Variants in FHIT observed in about 807,000 individuals in gnomAD.
FHIT encodes the protein bis(5'-adenosyl)-triphosphatase.
FHIT carries 19 observed loss-of-function variants against 17.9 expected under a neutral mutation model. The observed-to-expected ratio is 1.06, with a 90% CI of 0.74 to 1.56. The LOEUF (loss-of-function observed/expected upper bound fraction) is 1.56, where lower values mean the gene tolerates loss of function less well. Among genes scored for constraint, FHIT ranks in the 40% most tolerant of loss-of-function variants. The pLI is 0.00. For synonymous variants in FHIT, 81 were observed against 69.7 expected, an observed-to-expected ratio of 1.16 and a Z score of -0.81; for missense variants, 248 against 189.2, an observed-to-expected ratio of 1.31 and a Z score of -1.82.
chr3:60,483,417 C>A (rs192684507), intron 5 of FHIT, among the ~76,000 whole-genome samples: 1 of 152,088 alleles, frequency 6.6e-6, no homozygotes, highest in African/African-American at 2.4e-5. Flanking sequence ...AGCATCAATG[C>A]GAAAATCCTC....
At chr3:60,351,229 T>G (rs61667611) in intron 5 of FHIT, among the ~76,000 whole-genome samples, 1 of 152,176 alleles carries the variant, frequency 6.6e-6, no homozygotes, top group Admixed American at 6.5e-5. Context: ...CCCTTAATGT[T>G]AATTAACTGT....
chr3:61,085,870 T>C, intron 2 of FHIT, among the ~76,000 whole-genome samples: 1 of 152,170 alleles, frequency 6.6e-6, no homozygotes, highest in African/African-American at 2.4e-5. Flanking sequence ...AAACAATTTG[T>C]TCATAGTTTA....
At chr3:60,339,896 T>A (rs1302461388) in intron 5 of FHIT, among the ~76,000 whole-genome samples, 2 of 152,250 alleles carry the variant, frequency 1.3e-5, no homozygotes, top group South Asian at 2.1e-4. Flanking sequence ...GATTTTTTTT[T>A]AAAGGCTTAG....
intron 4 of FHIT, among the ~76,000 whole-genome samples, chr3:60,561,578 C>G (rs1369068533): frequency 5.3e-5 from 8 of 152,144 alleles, no homozygotes; most frequent in African/African-American, 1.9e-4. Context: ...CAATTCTTCT[C>G]ACAGAAATGA....
chr3:60,361,548 C>A (rs1306940800), intron 5 of FHIT, among the ~76,000 whole-genome samples: 1 of 152,112 alleles, frequency 6.6e-6, no homozygotes, highest in Middle Eastern at 3.2e-3. Flanking sequence ...AGGATGGATT[C>A]TTCATAGAAG....
chr3:61,045,006 C>T (rs2886256), intron 2 of FHIT, among the ~76,000 whole-genome samples: 87,545 of 151,904 alleles, frequency 0.58, 27,830 homozygotes, highest in East Asian at 0.85. Context: ...AAGGAACAAC[C>T]AGTACCAGCC....
chr3:60,516,601 T>C (rs1350198157), intron 5 of FHIT, among the ~76,000 whole-genome samples: 3 of 152,212 alleles, frequency 2.0e-5, no homozygotes, highest in African/African-American at 7.2e-5. Context: ...GCTCATATTA[T>C]CTCATTCTCT....
chr3:60,523,820 A>G (rs2035468599), intron 5 of FHIT, among the ~76,000 whole-genome samples: 1 of 152,182 alleles, frequency 6.6e-6, no homozygotes, highest in South Asian at 2.1e-4. Flanking sequence ...TGCTCAAACC[A>G]CCTGTTACTT....
chr3:60,114,435 G>A (rs1448566507), intron 5 of FHIT, among the ~76,000 whole-genome samples: 1 of 141,238 alleles, frequency 7.1e-6, no homozygotes, highest in Admixed American at 7.2e-5. Context: ...GCAATTAATT[G>A]TACACACTAA....
At chr3:60,372,969 C>A (rs1700395128) in intron 5 of FHIT, among the ~76,000 whole-genome samples, 1 of 152,144 alleles carries the variant, frequency 6.6e-6, no homozygotes, top group African/African-American at 2.4e-5. Context: ...ATGAAGGACT[C>A]ATTTCTGTTC....
intron 3 of FHIT, among the ~76,000 whole-genome samples, chr3:60,995,404 A>G (rs185120822): frequency 9.9e-4 from 151 of 152,258 alleles, no homozygotes; most frequent in African/African-American, 3.3e-3. Context: ...TTTCTACCAT[A>G]TGAAAGTTAA....
chr3:60,276,407 T>G (rs1385424002), intron 5 of FHIT, among the ~76,000 whole-genome samples: 1 of 152,108 alleles, frequency 6.6e-6, no homozygotes, highest in Non-Finnish European at 1.5e-5. Flanking sequence ...AGCGTTTTTC[T>G]CAAAGCTGAG....
chr3:60,861,725 G>C (rs782198935), intron 3 of FHIT, among the ~76,000 whole-genome samples: 6 of 151,926 alleles, frequency 3.9e-5, no homozygotes, highest in Non-Finnish European at 5.9e-5. Context: ...TAAAATTTAA[G>C]AAAAGGTAAG....
chr3:59,793,699 TA>T (rs1246618996), intron 8 of FHIT, among the ~76,000 whole-genome samples: 1 of 152,236 alleles, frequency 6.6e-6, no homozygotes, highest in East Asian at 1.9e-4. Context: ...GACAGGACTT[TA>T]AACCAAAGAG....
intron 8 of FHIT, among the ~76,000 whole-genome samples, chr3:59,919,046 T>C (rs1223625943): frequency 6.6e-6 from 1 of 152,172 alleles, no homozygotes; most frequent in Non-Finnish European, 1.5e-5. Context: ...GAAAACAATA[T>C]GTTTCACTAG....
intron 2 of FHIT, among the ~76,000 whole-genome samples, chr3:61,105,108 G>A (rs140475765): frequency 9.9e-5 from 15 of 152,266 alleles, no homozygotes; most frequent in African/African-American, 3.4e-4. Context: ...CCTTACTGGA[G>A]AAGTGATGTG....
At chr3:60,670,230 C>T (rs1553693505) in intron 4 of FHIT, among the ~76,000 whole-genome samples, 1 of 152,130 alleles carries the variant, frequency 6.6e-6, no homozygotes, top group East Asian at 1.9e-4. Flanking sequence ...TGTAGGAAGA[C>T]TGTAATTCTT....
At chr3:61,204,992 C>A (rs1277615234) in intron 1 of FHIT, among the ~76,000 whole-genome samples, 3 of 122,306 alleles carry the variant, frequency 2.5e-5, no homozygotes, top group South Asian at 5.7e-4. Flanking sequence ...CCACAACAAT[C>A]CCCAGTGTGT....
intron 4 of FHIT, chr3:60,690,320 C>T: frequency 1.8e-6 from 1 of 565,756 alleles, no homozygotes. Context: ...TCCATGCCTT[C>T]TTTCACCCTG....
Sources: gnomAD v4.1 joint callset for allele counts (sites outside exome capture counted in the v4.1 genomes callset) on GRCh38, gnomAD v4.1.1 for gene constraint, MANE v1.5 for transcripts, NCBI Gene and HGNC (gene_info 2026-07-23, HGNC 2026-07-21) for gene names.